TNIP3: variants seen among roughly 807,000 people sequenced by gnomAD.
TNIP3 encodes the protein TNFAIP3-interacting protein 3.
A neutral mutation model predicts 54.1 loss-of-function variants in TNIP3; 34 were observed. That is an observed-to-expected ratio of 0.63 (90% CI 0.48 to 0.84). The LOEUF (loss-of-function observed/expected upper bound fraction) is 0.84, where lower values mean the gene tolerates loss of function less well. TNIP3 is among the 40% of genes least tolerant of loss of function. TNIP3 has a pLI of 0.00. For missense variants in TNIP3, 366 were observed against 387.6 expected, an observed-to-expected ratio of 0.94 and a Z score of 0.47; for synonymous variants, 134 against 136.8, an observed-to-expected ratio of 0.98 and a Z score of 0.14.
upstream of TNIP3, among the ~76,000 whole-genome samples, chr4:121,167,767 A>G (rs771917579): frequency 6.6e-6 from 1 of 152,178 alleles, no homozygotes; most frequent in Non-Finnish European, 1.5e-5. Flanking sequence ...AGCAAAAGTA[A>G]TATTCAAAAT....
chr4:121,133,092 T>C (rs545110603), intron 10 of TNIP3, among the ~76,000 whole-genome samples: 1 of 152,320 alleles, frequency 6.6e-6, no homozygotes, highest in Non-Finnish European at 1.5e-5. Context: ...AAATATCCTA[T>C]AGAAAGACTT....
chr4:121,148,830 T>TTGCAATGTATTGCA (rs1729575671), intron 6 of TNIP3, among the ~76,000 whole-genome samples: 1 of 152,232 alleles, frequency 6.6e-6, no homozygotes, highest in South Asian at 2.1e-4. Flanking sequence ...AAAATCTTTG[T>TTGCAATGTATTGCA]ACTTAGTACT....
intron 2 of TNIP3, among the ~76,000 whole-genome samples, chr4:121,202,767 C>T (rs773587192): frequency 5.3e-5 from 8 of 151,770 alleles, no homozygotes; most frequent in African/African-American, 9.7e-5. Flanking sequence ...AGTGGGCTAA[C>T]GACATGAATA....
chr4:121,144,650 C>A (rs886607947), intron 7 of TNIP3, among the ~76,000 whole-genome samples: 1 of 152,234 alleles, frequency 6.6e-6, no homozygotes, highest in Admixed American at 6.5e-5. Context: ...GATCTGCCCG[C>A]CTTGGCCTCC....
At chr4:121,140,982 G>A (rs1365918484) in intron 9 of TNIP3, among the ~76,000 whole-genome samples, 4 of 152,156 alleles carry the variant, frequency 2.6e-5, no homozygotes, top group South Asian at 2.1e-4. Context: ...GAACTTTCAG[G>A]AAGCCAAGAG....
chr4:121,220,125 T>C (rs563884385), upstream of TNIP3, among the ~76,000 whole-genome samples: 2 of 152,338 alleles, frequency 1.3e-5, no homozygotes, highest in South Asian at 4.1e-4. Context: ...AAAGTACTTA[T>C]ATTAATTTTT....
At chr4:121,192,999 C>T (rs1330733728) in intron 2 of TNIP3, 2 of 152,120 alleles carry the variant, frequency 1.3e-5, no homozygotes, top group African/African-American at 2.4e-5. Context: ...CTCGTATATG[C>T]TCTGTAGAAG....
intron 2 of TNIP3, among the ~76,000 whole-genome samples, chr4:121,203,013 T>G (rs953178708): frequency 2.6e-5 from 4 of 152,050 alleles, no homozygotes; most frequent in Non-Finnish European, 2.9e-5. Context: ...TGGAAAACAG[T>G]GTGAATATTC....
upstream of TNIP3, among the ~76,000 whole-genome samples, chr4:121,221,254 C>T (rs1036799556): frequency 2.0e-5 from 3 of 152,028 alleles, no homozygotes; most frequent in Admixed American, 2.0e-4. Context: ...GTCTAAATCA[C>T]TCTTAATATA....
chr4:121,179,246 A>C (rs1182734563), intron 3 of TNIP3, among the ~76,000 whole-genome samples: 1 of 152,220 alleles, frequency 6.6e-6, no homozygotes, highest in African/African-American at 2.4e-5. Flanking sequence ...TACAGGAAAA[A>C]TATGTACGAA....
intron 3 of TNIP3, among the ~76,000 whole-genome samples, chr4:121,180,869 A>G (rs1271306724): frequency 6.6e-6 from 1 of 152,080 alleles, no homozygotes; most frequent in Non-Finnish European, 1.5e-5. Flanking sequence ...ATCTTCCCCA[A>G]TTCCCTTAAG....
chr4:121,213,498 G>A (rs535351059), intron 2 of TNIP3, among the ~76,000 whole-genome samples: 27 of 152,112 alleles, frequency 1.8e-4, no homozygotes, highest in African/African-American at 3.9e-4. Flanking sequence ...AGTCCGAGGC[G>A]GGTGGATCAT....
chr4:121,186,626 A>C (rs1725037447), intron 2 of TNIP3, among the ~76,000 whole-genome samples: 2 of 152,210 alleles, frequency 1.3e-5, no homozygotes, highest in African/African-American at 4.8e-5. Flanking sequence ...AGGATTAGTG[A>C]TGCCATATGT....
chr4:121,146,947 A>G, intron 7 of TNIP3, 102 bp downstream of exon 7: 2 of 1,381,180 alleles, frequency 1.4e-6, no homozygotes, highest in Non-Finnish European at 1.9e-6. Context: ...CCTTTAAAAA[A>G]AAATTCAATG....
At chr4:121,226,471 G>T (rs1039221750) in intron 1 of TNIP3, among the ~76,000 whole-genome samples, 1 of 152,184 alleles carries the variant, frequency 6.6e-6, no homozygotes, top group African/African-American at 2.4e-5. Context: ...GCCTGATTCA[G>T]GCCTTCCACT....
Position 121,154,650 on chromosome 4 carries a change from T to TA in TNIP3, c.392dup (p.Leu131PhefsTer3), listed in dbSNP as rs1427075428. 6.2e-7 allele frequency: 1 copy of TA among 1,611,316 alleles called. No individual in the cohort carries two copies. Among genetic ancestry groups the TA allele is most frequent in the Non-Finnish European group, 8.5e-7 (1 of 1,179,270 alleles). ...GTTTATTCTCTTCTTTCAATTCATG[T>TA]AATTCTTCATTTAGGCGTTCCTTTT... On this transcript the variant is annotated frameshift_variant, in exon 5 of 11. Transcript: ENST00000057513. LOFTEE classifies it high-confidence loss of function.
intron 6 of TNIP3, among the ~76,000 whole-genome samples, chr4:121,148,781 T>C (rs937094603): frequency 1.6e-4 from 24 of 152,160 alleles, no homozygotes; most frequent in African/African-American, 5.1e-4. Context: ...ATAGCAACAA[T>C]CATAACACAA....
At chr4:121,192,551 A>G (rs779650626) in intron 2 of TNIP3, among the ~76,000 whole-genome samples, 10 of 152,144 alleles carry the variant, frequency 6.6e-5, no homozygotes, top group Admixed American at 1.3e-4. Flanking sequence ...AAAAGCTTCT[A>G]TCGAGCTTTA....
At chr4:121,204,763 T>A (rs1726089247) in intron 2 of TNIP3, among the ~76,000 whole-genome samples, 2 of 152,208 alleles carry the variant, frequency 1.3e-5, no homozygotes, top group Non-Finnish European at 2.9e-5. Flanking sequence ...ACATTAAAAC[T>A]TTTAATAGTG....
Sources: allele counts gnomAD v4.1 joint callset (sites outside exome capture counted in the v4.1 genomes callset), GRCh38; gene constraint gnomAD v4.1.1; transcripts MANE v1.5; gene names NCBI Gene and HGNC (gene_info 2026-07-23, HGNC 2026-07-21).